TRAPPC9: variants seen among roughly 807,000 people sequenced by gnomAD.
TRAPPC9 encodes trafficking protein particle complex subunit 9, also known as IKK2 binding protein.
Under a neutral mutation model 124.0 loss-of-function variants are expected in TRAPPC9, and 83 were observed. The observed-to-expected ratio is 0.67, with a 90% CI of 0.56 to 0.80. The LOEUF (loss-of-function observed/expected upper bound fraction) is 0.80, where lower values mean the gene tolerates loss of function less well. TRAPPC9 is among the 30% of genes least tolerant of loss of function. The probability of loss-of-function intolerance (pLI) is 0.00; values close to 1 mark genes in which losing one functional copy is unlikely to be tolerated. For missense variants in TRAPPC9, 1,302 were observed against 1,508.3 expected, an observed-to-expected ratio of 0.86 and a Z score of 2.27; for synonymous variants, 638 against 617.5, an observed-to-expected ratio of 1.03 and a Z score of -0.49.
chr8:140,229,750 G>A lies in TRAPPC9; in HGVS notation c.2432-8167C>T, dbSNP rs532032223. Among the ~76,000 whole-genome samples the A allele has an allele frequency of 8.7e-4, 132 of 151,760 alleles. 1 individual carries two copies. Among genetic ancestry groups the A allele is most frequent in the African/African-American group, 3.1e-3 (128 of 41,354 alleles). The stretch of plus-strand genomic sequence containing the variant: ...TTTTTGCATTTTTAGTAGAAATGGG[G>A]TTTCACCATGTTGGCCACACTGGTC... On this transcript the variant is annotated intron_variant, in intron 16 of 22. Coordinates refer to ENST00000438773, the MANE Select transcript of TRAPPC9 (RefSeq NM_001160372.4).
intron 18 of TRAPPC9, among the ~76,000 whole-genome samples, chr8:140,012,222 C>T (rs1409567865): frequency 2.6e-5 from 4 of 152,154 alleles, no homozygotes; most frequent in South Asian, 4.1e-4. Flanking sequence ...TAAGGCAATG[C>T]GGGGCTCAGA....
At chr8:139,964,941 G>A (rs548995682) in intron 19 of TRAPPC9, among the ~76,000 whole-genome samples, 5 of 152,284 alleles carry the variant, frequency 3.3e-5, no homozygotes, top group African/African-American at 1.2e-4. Flanking sequence ...CTATCCTATC[G>A]TACCGAGCCT....
rs80342550 is a variant in TRAPPC9, at chr8:140,015,289, C to T, written c.2699+8648G>A. ...AACCTGAGCAAATCAGAAAACTCTC[C>T]GGGCCTCGTTTGTGATGCAAATGTG... is the stretch of plus-strand genomic sequence containing the variant. On this transcript the variant is annotated intron_variant, in intron 18 of 22. Coordinates refer to ENST00000438773, the MANE Select transcript of TRAPPC9 (RefSeq NM_001160372.4). 4.9e-3 allele frequency among the ~76,000 whole-genome samples: 745 copies of T among 152,284 alleles called. 5 individuals carry two copies. The highest frequency in any genetic ancestry group is 0.017 in the African/African-American group (702 of 41,562).
intron 9 of TRAPPC9, among the ~76,000 whole-genome samples, chr8:140,324,539 G>A (rs1039902820): frequency 1.2e-4 from 19 of 152,174 alleles, no homozygotes; most frequent in Admixed American, 2.0e-4. Flanking sequence ...GGGAGGCCAA[G>A]GCAGGAGGAT....
At chr8:140,174,278 C>T (rs2130965072) in intron 17 of TRAPPC9, among the ~76,000 whole-genome samples, 1 of 151,914 alleles carries the variant, frequency 6.6e-6, no homozygotes, top group African/African-American at 2.4e-5. Context: ...GGACACTGGG[C>T]TTAATACCTG....
intron 21 of TRAPPC9, among the ~76,000 whole-genome samples, chr8:139,797,448 C>G (rs1454137639): frequency 6.6e-6 from 1 of 152,166 alleles, no homozygotes; most frequent in African/African-American, 2.4e-5. Flanking sequence ...TTAGTAGAGA[C>G]AGGGTTTCAC....
At chr8:139,804,439 T>TCACCACCACCCACCAC (rs1331264712) in intron 21 of TRAPPC9, among the ~76,000 whole-genome samples, 1 of 14,924 alleles carries the variant, frequency 6.7e-5, no homozygotes, top group African/African-American at 2.9e-4. Context: ...CCAAGCACCA[T>TCACCACCACCCACCAC]CACCACCACT....
chr8:139,870,319 C>T (rs4236865), intron 21 of TRAPPC9, among the ~76,000 whole-genome samples: 39,049 of 152,084 alleles, frequency 0.26, 5,878 homozygotes, highest in Admixed American at 0.36. Flanking sequence ...CAGGAGAAAA[C>T]ATGGGAGAAT....
chr8:139,941,781 G>C (rs1833936861), intron 19 of TRAPPC9, among the ~76,000 whole-genome samples: 2 of 152,228 alleles, frequency 1.3e-5, no homozygotes, highest in Non-Finnish European at 2.9e-5. Flanking sequence ...GCTGGGCAGA[G>C]GGCATATTCC....
chr8:139,774,037 T>C (rs1365207935), intron 21 of TRAPPC9, among the ~76,000 whole-genome samples: 1 of 152,106 alleles, frequency 6.6e-6, no homozygotes, highest in Non-Finnish European at 1.5e-5. Flanking sequence ...ACCAGGAGCC[T>C]GGGGAAGGCT....
intron 21 of TRAPPC9, among the ~76,000 whole-genome samples, chr8:139,833,980 C>A (rs974320369): frequency 6.6e-6 from 1 of 152,182 alleles, no homozygotes; most frequent in African/African-American, 2.4e-5. Flanking sequence ...TGTGGCATGA[C>A]CTGTGTGCAA....
At position 140,081,346 on chromosome 8, in the gene TRAPPC9, C is replaced by CATTTTTT. The variant is rs35254769; in HGVS notation, c.2557-57268_2557-57267insAAAAAAT. On this transcript the variant is annotated intron_variant, in intron 17 of 22. Transcript: ENST00000438773. ...GTCAAGGTGAAGAATAAAATGAATG[C>CATTTTTT]TTTTTTTTTTTTTTTTTGAGACAGA... is the stretch of plus-strand genomic sequence containing the variant. Among the ~76,000 whole-genome samples, 14 of 141,068 alleles carry CATTTTTT rather than the reference C, an allele frequency of 9.9e-5. 5 individuals carry two copies. Among genetic ancestry groups the CATTTTTT allele is most frequent in the South Asian group, 2.3e-4 (1 of 4,436 alleles). The allele number at this position is 141,068 out of a possible 152,430, so 92.5% of individuals were successfully genotyped here. A position where few individuals can be genotyped will look rare whatever the true frequency, so the allele number is the denominator to read the frequency against.
At chr8:140,118,174 A>G (rs1412193656) in intron 17 of TRAPPC9, among the ~76,000 whole-genome samples, 1 of 152,234 alleles carries the variant, frequency 6.6e-6, no homozygotes, top group Non-Finnish European at 1.5e-5. Flanking sequence ...TGGCGCTTTG[A>G]TACCGAGGAG....
At chr8:139,934,355 A>C (rs576609069) in intron 19 of TRAPPC9, among the ~76,000 whole-genome samples, 177 of 152,308 alleles carry the variant, frequency 1.2e-3, no homozygotes, top group African/African-American at 4.1e-3. Flanking sequence ...GCTACCTGGC[A>C]GGGGTGTCTC....
chr8:139,923,141 G>C (rs11166939), intron 19 of TRAPPC9, among the ~76,000 whole-genome samples: 44,678 of 152,010 alleles, frequency 0.29, 6,876 homozygotes, highest in East Asian at 0.45. Flanking sequence ...AATCTACTGA[G>C]GGACACCGTG....
intron 21 of TRAPPC9, among the ~76,000 whole-genome samples, chr8:139,770,396 AAGGCTTTGGTGTCTG>A (rs1434308782): frequency 6.6e-6 from 1 of 152,134 alleles, no homozygotes; most frequent in Non-Finnish European, 1.5e-5. Flanking sequence ...CAGAGCGGGG[AAGGCTTTGGTGTCTG>A]AGGCTTTAGG....
intron 7 of TRAPPC9, among the ~76,000 whole-genome samples, chr8:140,388,162 G>A (rs1182331699): frequency 7.2e-6 from 1 of 138,554 alleles, no homozygotes; most frequent in East Asian, 2.3e-4. Context: ...TCATAGGTGG[G>A]AACTGAACAA....
intron 18 of TRAPPC9, among the ~76,000 whole-genome samples, chr8:139,993,974 T>G (rs1356077151): frequency 2.0e-5 from 3 of 152,224 alleles, no homozygotes; most frequent in Admixed American, 6.5e-5. Context: ...TATAATATAC[T>G]GAAATATTAA....
chr8:139,807,335 C>T (rs1824138274), intron 21 of TRAPPC9, among the ~76,000 whole-genome samples: 1 of 152,174 alleles, frequency 6.6e-6, no homozygotes, highest in African/African-American at 2.4e-5. Context: ...CCCATGCGTT[C>T]AGAAGAGCCT....
Sources: allele counts gnomAD v4.1 joint callset (sites outside exome capture counted in the v4.1 genomes callset), GRCh38; gene constraint gnomAD v4.1.1; transcripts MANE v1.5; gene names NCBI Gene and HGNC (gene_info 2026-07-23, HGNC 2026-07-21).